DSCAM: variants seen among roughly 807,000 people sequenced by gnomAD.
DSCAM encodes cell adhesion molecule DSCAM.
A neutral mutation model predicts 217.7 loss-of-function variants in DSCAM; 47 were observed. The ratio of observed to expected loss-of-function variants is 0.22; its 90% CI spans 0.17 to 0.28. The LOEUF (loss-of-function observed/expected upper bound fraction) is 0.28. Among genes scored for constraint, DSCAM ranks in the 10% least tolerant of loss-of-function variants. The probability of loss-of-function intolerance (pLI) is 1.00; values close to 1 mark genes in which losing one functional copy is unlikely to be tolerated. For synonymous variants in DSCAM, 1,056 were observed against 1,015.3 expected, an observed-to-expected ratio of 1.04 and a Z score of -0.76; for missense variants, 2,080 against 2,618.3, an observed-to-expected ratio of 0.79 and a Z score of 4.49.
At chr21:40,109,091 G>A (rs2089860915) in intron 20 of DSCAM, among the ~76,000 whole-genome samples, 3 of 152,136 alleles carry the variant, frequency 2.0e-5, no homozygotes, top group Admixed American at 1.3e-4. Flanking sequence ...ATAGGCATGG[G>A]CAAAGATTTC....
chr21:40,808,473 C>A (rs2091807874), intron 1 of DSCAM, among the ~76,000 whole-genome samples: 1 of 97,448 alleles, frequency 1.0e-5, no homozygotes, highest in Admixed American at 1.3e-4. Context: ...ATACAACCAT[C>A]ATTTTTTTTT....
chr21:40,818,053 G>T (rs1375890270), intron 1 of DSCAM, among the ~76,000 whole-genome samples: 1 of 131,058 alleles, frequency 7.6e-6, no homozygotes, highest in Non-Finnish European at 1.6e-5. Flanking sequence ...CCGAGATTGC[G>T]CCACTGCAGT....
At chr21:40,822,594 A>G (rs1214638343) in intron 1 of DSCAM, among the ~76,000 whole-genome samples, 1 of 152,148 alleles carries the variant, frequency 6.6e-6, no homozygotes, top group East Asian at 1.9e-4. Flanking sequence ...TTTTCAGGTT[A>G]ATGAATGCTC....
chr21:40,490,819 G>C (rs2076070736), intron 3 of DSCAM, among the ~76,000 whole-genome samples: 1 of 152,174 alleles, frequency 6.6e-6, no homozygotes, highest in Non-Finnish European at 1.5e-5. Flanking sequence ...ATTCACACAA[G>C]GATTCCTTGT....
At chr21:40,403,393 G>T (rs1465269857) in intron 3 of DSCAM, among the ~76,000 whole-genome samples, 3 of 151,804 alleles carry the variant, frequency 2.0e-5, no homozygotes, top group African/African-American at 7.3e-5. Flanking sequence ...TGCCTCCTGG[G>T]CTCAAGTGAT....
intron 16 of DSCAM, among the ~76,000 whole-genome samples, chr21:40,165,853 C>A (rs527767910): frequency 6.6e-6 from 1 of 151,684 alleles, no homozygotes; most frequent in Non-Finnish European, 1.5e-5. Context: ...GGCGGGAATG[C>A]GTGTGGGGTT....
intron 3 of DSCAM, among the ~76,000 whole-genome samples, chr21:40,378,377 A>G (rs1294367299): frequency 1.3e-5 from 2 of 152,100 alleles, no homozygotes; most frequent in Non-Finnish European, 2.9e-5. Flanking sequence ...GGGCATGTAA[A>G]TTGGTGAAGC....
intron 21 of DSCAM, among the ~76,000 whole-genome samples, chr21:40,092,239 G>A (rs2089620363): frequency 6.6e-6 from 1 of 152,008 alleles, no homozygotes; most frequent in African/African-American, 2.4e-5. Flanking sequence ...AGAAATCCAG[G>A]GTTGTAAATC....
Position 40,773,581 on chromosome 21 carries a change from A to T in DSCAM, c.44-64810T>A, listed in dbSNP as rs1170088669. ...TCAGATTCTGAGGTACCAGGAGAAC[A>T]CGAATGTTTGGGAAACACTGTTCAA... On this transcript the variant is annotated intron_variant, in intron 1 of 32. Coordinates refer to ENST00000400454, the MANE Select transcript of DSCAM (RefSeq NM_001389.5). Among the ~76,000 whole-genome samples, 5 of 152,346 alleles carry T rather than the reference A, an allele frequency of 3.3e-5. 1 individual carries two copies. The South Asian group carries it at 1.0e-3, about 32-fold the overall frequency.
chr21:40,415,762 G>A (rs2410238), intron 3 of DSCAM, among the ~76,000 whole-genome samples: 16,325 of 152,016 alleles, frequency 0.11, 1,729 homozygotes, highest in African/African-American at 0.27. Flanking sequence ...GACCCTCTTC[G>A]AGGGTCTTCT....
intron 3 of DSCAM, among the ~76,000 whole-genome samples, chr21:40,576,295 A>C (rs543557195): frequency 6.6e-6 from 1 of 152,378 alleles, no homozygotes; most frequent in African/African-American, 2.4e-5. Context: ...ATAATTTAAA[A>C]GAAGAAATCA....
intron 3 of DSCAM, among the ~76,000 whole-genome samples, chr21:40,566,109 ATAT>A (rs1568909504): frequency 6.6e-6 from 1 of 152,048 alleles, no homozygotes; most frequent in Non-Finnish European, 1.5e-5. Flanking sequence ...TCTTTCACAT[ATAT>A]TATTATTGTC....
At chr21:40,821,359 A>T (rs1231900662) in intron 1 of DSCAM, among the ~76,000 whole-genome samples, 1 of 151,278 alleles carries the variant, frequency 6.6e-6, no homozygotes, top group Non-Finnish European at 1.5e-5. Context: ...CTCTAGATTT[A>T]TGTGCATGCA....
intron 11 of DSCAM, among the ~76,000 whole-genome samples, chr21:40,193,944 G>C (rs1322800007): frequency 2.0e-5 from 3 of 152,126 alleles, no homozygotes; most frequent in African/African-American, 7.2e-5. Flanking sequence ...TAATTCCCTA[G>C]TACTTTAAAA....
chr21:40,373,397 C>T (rs907451411), intron 3 of DSCAM, among the ~76,000 whole-genome samples: 15 of 152,236 alleles, frequency 9.9e-5, no homozygotes, highest in African/African-American at 3.1e-4. Flanking sequence ...GAGACAGCCC[C>T]TATCTCTAGG....
At chr21:40,737,634 C>T (rs1382878593) in intron 1 of DSCAM, among the ~76,000 whole-genome samples, 2 of 152,178 alleles carry the variant, frequency 1.3e-5, no homozygotes, top group African/African-American at 2.4e-5. Context: ...GAGCAAAACT[C>T]CATCTCAAAA....
In DSCAM at chr21:40,245,076, A is replaced by G. The variant is rs761559865; in HGVS notation, c.2356+31021T>C. ...TACATGTGGCAACCATGTTGTTCCA[A>G]TGCCAGCCCAAGTGTCACAGAATAG... On this transcript the variant is annotated intron_variant, in intron 11 of 32. Transcript: ENST00000400454. 9.2e-5 allele frequency among the ~76,000 whole-genome samples: 14 copies of G among 152,354 alleles called. No individual in the cohort carries two copies. The South Asian group carries it at 2.5e-3, about 27-fold the overall frequency.
At chr21:40,277,406 G>T (rs1046790605) in intron 10 of DSCAM, among the ~76,000 whole-genome samples, 2 of 152,066 alleles carry the variant, frequency 1.3e-5, no homozygotes, top group East Asian at 3.9e-4. Flanking sequence ...TTGTGTATTG[G>T]TCTCACTCGA....
At chr21:40,450,305 T>A (rs1194246385) in intron 3 of DSCAM, among the ~76,000 whole-genome samples, 1 of 152,164 alleles carries the variant, frequency 6.6e-6, no homozygotes, top group Non-Finnish European at 1.5e-5. Context: ...GGCCGTCAAG[T>A]ACAGATTTTT....
Sources: gnomAD v4.1 joint callset for allele counts (sites outside exome capture counted in the v4.1 genomes callset) on GRCh38, gnomAD v4.1.1 for gene constraint, MANE v1.5 for transcripts, NCBI Gene and HGNC (gene_info 2026-07-23, HGNC 2026-07-21) for gene names.